RBFOX3: variants seen among roughly 807,000 people sequenced by gnomAD.
The protein encoded by RBFOX3 is RNA binding fox-1 homolog 3.
Under a neutral mutation model 48.7 loss-of-function variants are expected in RBFOX3, and 17 were observed. The observed-to-expected ratio is 0.35, with a 90% CI of 0.24 to 0.52. The LOEUF (loss-of-function observed/expected upper bound fraction) is 0.52, where lower values mean the gene tolerates loss of function less well. Ranked by LOEUF, RBFOX3 falls within the 20% of genes least tolerant of loss-of-function variation. The pLI is 0.94. For missense variants in RBFOX3, 382 were observed against 497.5 expected (o/e 0.77, Z 2.21); for synonymous variants, 212 against 209.5 (o/e 1.01, Z -0.10).
intron 3 of RBFOX3, among the ~76,000 whole-genome samples, chr17:79,303,857 G>C (rs1018609284): frequency 6.6e-6 from 1 of 151,064 alleles, no homozygotes; most frequent in African/African-American, 2.4e-5. Flanking sequence ...CTGCCTGTGT[G>C]TGTGTGTGTG....
intron 4 of RBFOX3, chr17:79,234,622 A>G (rs934040804): frequency 2.0e-5 from 3 of 151,868 alleles, no homozygotes; most frequent in Admixed American, 6.6e-5. Context: ...CACACTAAAT[A>G]TACATTACAG....
intron 1 of RBFOX3, among the ~76,000 whole-genome samples, chr17:79,559,344 G>C (rs1411958859): frequency 6.6e-6 from 1 of 151,840 alleles, no homozygotes; most frequent in African/African-American, 2.4e-5. Flanking sequence ...GAGGTGGATG[G>C]TGGATAGTGA....
At chr17:79,255,222 C>CGTGCGT (rs1555631143) in intron 3 of RBFOX3, among the ~76,000 whole-genome samples, 1 of 147,422 alleles carries the variant, frequency 6.8e-6, no homozygotes, top group Admixed American at 6.7e-5. Flanking sequence ...CACATGTGTG[C>CGTGCGT]GTGTGTGTGT....
intron 4 of RBFOX3, among the ~76,000 whole-genome samples, chr17:79,190,439 A>AAAAG (rs2054286334): frequency 7.0e-6 from 1 of 143,518 alleles, no homozygotes; most frequent in Admixed American, 7.0e-5. Flanking sequence ...AAACAAAAAA[A>AAAAG]CAGAGTGAAG....
intron 2 of RBFOX3, among the ~76,000 whole-genome samples, chr17:79,412,859 T>C (rs2064687014): frequency 6.6e-6 from 1 of 151,428 alleles, no homozygotes; most frequent in African/African-American, 2.4e-5. Flanking sequence ...TGTGTATGAA[T>C]GTATGTGTGG....
chr17:79,167,448 T>C (rs2048252222), intron 4 of RBFOX3, among the ~76,000 whole-genome samples: 1 of 148,158 alleles, frequency 6.7e-6, no homozygotes, highest in Non-Finnish European at 1.5e-5. Flanking sequence ...ATGTCAGGGC[T>C]GTGGGTCCAT....
intron 1 of RBFOX3, among the ~76,000 whole-genome samples, chr17:79,510,336 G>C (rs1285399578): frequency 6.6e-6 from 1 of 152,166 alleles, no homozygotes. Flanking sequence ...GACCCGCTGC[G>C]CACCCACCGC....
chr17:79,368,479 G>A (rs149909716), intron 2 of RBFOX3, among the ~76,000 whole-genome samples: 27 of 152,354 alleles, frequency 1.8e-4, no homozygotes, highest in African/African-American at 6.5e-4. Flanking sequence ...GGACAAAAAT[G>A]CCACACTTGG....
In RBFOX3 at chr17:79,095,499, G is replaced by GC. The variant is rs1180404576; in HGVS notation, c.998+13dup. The GC allele has an allele frequency of 3.2e-6, 5 of 1,550,080 alleles. No homozygotes were observed. The highest frequency in any genetic ancestry group is 1.4e-5 in the African/African-American group (1 of 73,040). On this transcript the variant is annotated intron_variant, in intron 13 of 14. Coordinates refer to ENST00000693108, the MANE Select transcript of RBFOX3 (RefSeq NM_001350451.2). The stretch of plus-strand genomic sequence containing the variant: ...CCCACCCTGCTCCAGAACAGTGCTG[G>GC]CCCCCGGCCTCACCTGTCGCTGTAG...
At chr17:79,577,512 C>CT (rs2092903929) in intron 1 of RBFOX3, among the ~76,000 whole-genome samples, 1 of 152,206 alleles carries the variant, frequency 6.6e-6, no homozygotes, top group Admixed American at 6.5e-5. Flanking sequence ...AAGAAATAAA[C>CT]TCAAAGGCCA....
At chr17:79,569,614 G>A (rs1280914273) in intron 1 of RBFOX3, among the ~76,000 whole-genome samples, 1 of 152,192 alleles carries the variant, frequency 6.6e-6, no homozygotes, top group Admixed American at 6.5e-5. Flanking sequence ...CTGCCAACCT[G>A]CAGATTAAAC....
chr17:79,257,359 G>A (rs926241891), intron 3 of RBFOX3, among the ~76,000 whole-genome samples: 4 of 152,222 alleles, frequency 2.6e-5, no homozygotes, highest in African/African-American at 7.2e-5. Flanking sequence ...AGGGTCCAAT[G>A]TTCCAATAGC....
At chr17:79,131,709 G>C (rs73401907) in intron 4 of RBFOX3, among the ~76,000 whole-genome samples, 11,962 of 152,196 alleles carry the variant, frequency 0.079, 1,061 homozygotes, top group African/African-American at 0.22. Context: ...TTGGAAGAAG[G>C]GGTCAGATAT....
At chr17:79,579,819 C>T (rs1374664684) in intron 1 of RBFOX3, among the ~76,000 whole-genome samples, 1 of 110,084 alleles carries the variant, frequency 9.1e-6, no homozygotes, top group Non-Finnish European at 1.8e-5. Flanking sequence ...GAGCCACTGG[C>T]GCTGTGGTGG....
At chr17:79,590,857 T>C (rs1260966417) in intron 1 of RBFOX3, among the ~76,000 whole-genome samples, 2 of 152,060 alleles carry the variant, frequency 1.3e-5, no homozygotes, top group African/African-American at 2.4e-5. Flanking sequence ...AGGAGGACAA[T>C]ATCAAACACA....
intron 1 of RBFOX3, among the ~76,000 whole-genome samples, chr17:79,573,552 C>T (rs940795490): frequency 6.6e-4 from 100 of 152,210 alleles, no homozygotes; most frequent in Admixed American, 1.2e-3. Context: ...ACCCTGACTT[C>T]CCCAGCACGG....
At chr17:79,287,638 AC>A (rs1185633419) in intron 3 of RBFOX3, among the ~76,000 whole-genome samples, 2 of 152,102 alleles carry the variant, frequency 1.3e-5, no homozygotes, top group African/African-American at 4.8e-5. Context: ...GCCCCTCCCC[AC>A]CCTGAGAATC....
chr17:79,468,937 AGGATGGATGGATGGATGGATGGAT>A (rs199614550), intron 2 of RBFOX3, among the ~76,000 whole-genome samples: 3 of 89,968 alleles, frequency 3.3e-5, no homozygotes, highest in Non-Finnish European at 7.5e-5. Flanking sequence ...TAGAGACGGG[AGGATGGATGGATGGATGGATGGAT>A]GGATGGATGG....
the RBFOX3 span, among the ~76,000 whole-genome samples, chr17:79,623,229 C>A: frequency 6.6e-6 from 1 of 152,194 alleles, no homozygotes; most frequent in South Asian, 2.1e-4. Flanking sequence ...GGGGTCAAGG[C>A]TGAACTTCTA....
Sources: allele counts gnomAD v4.1 joint callset (sites outside exome capture counted in the v4.1 genomes callset), GRCh38; gene constraint gnomAD v4.1.1; transcripts MANE v1.5; gene names NCBI Gene and HGNC (gene_info 2026-07-23, HGNC 2026-07-21).